The following RPH3AL variants were observed in gnomAD, a reference collection of about 807,000 sequenced individuals.
RPH3AL encodes rab effector Noc2.
RPH3AL carries 38 observed loss-of-function variants against 43.1 expected under a neutral mutation model. The ratio of observed to expected loss-of-function variants is 0.88; its 90% CI spans 0.68 to 1.15. The LOEUF (loss-of-function observed/expected upper bound fraction) is 1.15, where lower values mean the gene tolerates loss of function less well. Among genes scored for constraint, RPH3AL ranks in the 50% most tolerant of loss-of-function variants. RPH3AL has a pLI of 0.00. For synonymous variants in RPH3AL, 189 were observed against 176.3 expected, an observed-to-expected ratio of 1.07 and a Z score of -0.57; for missense variants, 462 against 423.2, an observed-to-expected ratio of 1.09 and a Z score of -0.81.
At chr17:308,288 C>T (rs543177627) in intron 5 of RPH3AL, among the ~76,000 whole-genome samples, 13 of 152,290 alleles carry the variant, frequency 8.5e-5, no homozygotes, top group African/African-American at 2.6e-4. Context: ...GGACTTTCAC[C>T]GCACACCCAT....
At chr17:257,549 CGTCCCT>C (rs2042082366) in intron 6 of RPH3AL, among the ~76,000 whole-genome samples, 1 of 37,570 alleles carries the variant, frequency 2.7e-5, no homozygotes, top group African/African-American at 8.3e-5. Context: ...TGTCCTTTTC[CGTCCCT>C]AGGAATGTGA....
Position 215,760 on chromosome 17 carries a change from G to C in RPH3AL, c.770C>G (p.Pro257Arg). 1 of 1,304,852 alleles carries C rather than the reference G, an allele frequency of 7.7e-7. No homozygotes were observed. The allele number at this position is 1,304,852 out of a possible 1,614,324, so 80.8% of individuals were successfully genotyped here. Residue 257 changes from proline to arginine, a missense_variant, in exon 9 of 10, where the codon CCG becomes CGG. By Grantham distance (103) the Pro-to-Arg change is moderately radical. Coordinates refer to ENST00000331302, the MANE Select transcript of RPH3AL (RefSeq NM_006987.4). This position sits in a 1 kb window ranked among gnomAD's most constrained non-coding sequence, Gnocchi z 4.1. ...GCTCTGGCACCCAGAGAGGTGGCCC[G>C]GCGGGTGGGTGAACCCCATCCTGGG... ...EAPRMGFTHP[P>R]GHLSGCQSSL...
intron 6 of RPH3AL, among the ~76,000 whole-genome samples, chr17:273,396 A>T (rs1170042944): frequency 3.7e-5 from 2 of 53,426 alleles, no homozygotes; most frequent in African/African-American, 5.3e-5. Flanking sequence ...GAGAGACCCC[A>T]GCGAGGGTGA....
At chr17:296,718 G>A (rs1001064283) in intron 5 of RPH3AL, among the ~76,000 whole-genome samples, 6 of 152,194 alleles carry the variant, frequency 3.9e-5, no homozygotes, top group African/African-American at 7.2e-5. Flanking sequence ...CGTCACGCCC[G>A]CTTTTTTCAA....
Position 344,219 on chromosome 17 carries a change from T to A in RPH3AL, c.-213+8493A>T, listed in dbSNP as rs2045193089. On this transcript the variant is annotated intron_variant, in intron 1 of 9. Coordinates refer to ENST00000331302, the MANE Select transcript of RPH3AL (RefSeq NM_006987.4). The stretch of plus-strand genomic sequence containing the variant: ...CTCATCATCATCACCATCATCACTA[T>A]CATCACCATCACTGTTACATCATCA... Among the ~76,000 whole-genome samples, 2 of 129,720 alleles carry A rather than the reference T, an allele frequency of 1.5e-5. 1 individual carries two copies. Among genetic ancestry groups the A allele is most frequent in the African/African-American group, 5.3e-5 (2 of 37,406 alleles). 85.1% of individuals were successfully genotyped at this position (129,720 alleles called of 152,430 possible). A position where few individuals can be genotyped will look rare whatever the true frequency, so the allele number is the denominator to read the frequency against.
At chr17:267,557 T>C (rs1173082406) in intron 6 of RPH3AL, among the ~76,000 whole-genome samples, 1 of 152,216 alleles carries the variant, frequency 6.6e-6, no homozygotes, top group Non-Finnish European at 1.5e-5. Context: ...TGAAACCCTG[T>C]CTGGGCTGAC....
At chr17:300,929 GCCACA>G (rs2043314006) in intron 5 of RPH3AL, among the ~76,000 whole-genome samples, 1 of 151,898 alleles carries the variant, frequency 6.6e-6, no homozygotes, top group Admixed American at 6.5e-5. Flanking sequence ...AGCAGGGGCT[GCCACA>G]GCCTAGGCCT....
rs1178970282 is a variant in RPH3AL, at chr17:231,717, C to T, written c.614-11981G>A. Among the ~76,000 whole-genome samples the T allele has an allele frequency of 2.6e-5, 4 of 152,356 alleles. No individual in the cohort carries two copies. The East Asian group carries it at 5.8e-4, about 22-fold the overall frequency. ...CAAGCCAGAGGCTGGCCCTTGGGGGCTGGGCCCCACTCTCCCAGTTCAGCT... is the reference window on the plus strand; with the variant it reads ...CAAGCCAGAGGCTGGCCCTTGGGGGTTGGGCCCCACTCTCCCAGTTCAGCT... On this transcript the variant is annotated intron_variant, in intron 7 of 9. Transcript: ENST00000331302.
At chr17:255,899 C>T (rs1301649651) in intron 6 of RPH3AL, among the ~76,000 whole-genome samples, 1 of 61,658 alleles carries the variant, frequency 1.6e-5, no homozygotes. Context: ...GACTACCCTA[C>T]GTACTTCCTA....
Position 274,035 on chromosome 17 carries a change from C to T in RPH3AL, c.438+7733G>A, listed in dbSNP as rs2042594491. Among the ~76,000 whole-genome samples the T allele has an allele frequency of 6.6e-6, 1 of 152,172 alleles. No individual in the cohort carries two copies. The highest frequency in any genetic ancestry group is 1.5e-5 in the Non-Finnish European group (1 of 68,028). ...CCTGGGGAATCTAGATTCCAGTGAACTTTTCTACTGATTACAGCATCACTT... is the reference window on the plus strand; with the variant it reads ...CCTGGGGAATCTAGATTCCAGTGAATTTTTCTACTGATTACAGCATCACTT... On this transcript the variant is annotated intron_variant, in intron 6 of 9. Coordinates refer to ENST00000331302, the MANE Select transcript of RPH3AL (RefSeq NM_006987.4). The surrounding 1 kb of genome is among the most constrained non-coding windows in gnomAD (Gnocchi z 4.7).
chr17:225,976 A>G lies in RPH3AL; in HGVS notation c.614-6240T>C, dbSNP rs2041097399. On this transcript the variant is annotated intron_variant, in intron 7 of 9. Transcript: ENST00000331302. The surrounding 1 kb of genome is among the most constrained non-coding windows in gnomAD (Gnocchi z 4.4). ...CACATGGTCACAGAGTTGGGCTGGG[A>G]GCAGGCGAAAACGGCAAGACAACCG... 6.6e-6 allele frequency among the ~76,000 whole-genome samples: 1 copy of G among 152,198 alleles called. No individual in the cohort carries two copies. Among genetic ancestry groups the G allele is most frequent in the African/African-American group, 2.4e-5 (1 of 41,458 alleles).
chr17:215,406 G>A lies in RPH3AL; in HGVS notation c.876+248C>T. On this transcript the variant is annotated intron_variant, in intron 9 of 9. Coordinates refer to ENST00000331302, the MANE Select transcript of RPH3AL (RefSeq NM_006987.4). The surrounding 1 kb of genome is among the most constrained non-coding windows in gnomAD (Gnocchi z 4.1). ...AGCCCGACACGTTTTATGTAGCAGA[G>A]GATGGTAACCACTGCTGTGATTACC... Among the ~76,000 whole-genome samples the A allele has an allele frequency of 6.6e-6, 1 of 152,250 alleles. No individual in the cohort carries two copies. Among genetic ancestry groups the A allele is most frequent in the East Asian group, 1.9e-4 (1 of 5,200 alleles).
chr17:326,618 C>T lies in RPH3AL; in HGVS notation c.77+849G>A, dbSNP rs570857558. On this transcript the variant is annotated intron_variant, in intron 3 of 9. Coordinates refer to ENST00000331302, the MANE Select transcript of RPH3AL (RefSeq NM_006987.4). ...AACCAGGGCCAGGCGCGGTGGCTCA[C>T]GCCTGTAATCCCAGCACTTTGGGAG... Among the ~76,000 whole-genome samples, 366 of 152,300 alleles carry T rather than the reference C, an allele frequency of 2.4e-3. 2 individuals are homozygous for T. Among genetic ancestry groups the T allele is most frequent in the African/African-American group, 7.8e-3 (326 of 41,576 alleles).
chr17:293,979 G>A (rs1440730330), intron 5 of RPH3AL, among the ~76,000 whole-genome samples: 2 of 151,964 alleles, frequency 1.3e-5, no homozygotes, highest in Admixed American at 6.5e-5. Context: ...AGTGAGCTGA[G>A]ATTGCACCAC....
At chr17:242,137 A>C (rs1277688434) in intron 7 of RPH3AL, among the ~76,000 whole-genome samples, 1 of 152,178 alleles carries the variant, frequency 6.6e-6, no homozygotes, top group African/African-American at 2.4e-5. Context: ...AAAAAAATTA[A>C]CAAAAAAACT....
At chr17:231,067 C>G (rs960095605) in intron 7 of RPH3AL, among the ~76,000 whole-genome samples, 2 of 152,222 alleles carry the variant, frequency 1.3e-5, no homozygotes, top group Non-Finnish European at 2.9e-5. Flanking sequence ...TTTGTGTGTT[C>G]AGAGCCTTCT....
chr17:242,233 T>C (rs1221476088), intron 7 of RPH3AL, among the ~76,000 whole-genome samples: 1 of 152,134 alleles, frequency 6.6e-6, no homozygotes, highest in Non-Finnish European at 1.5e-5. Context: ...TCATGACTTG[T>C]AGTATCTATT....
At chr17:252,361 T>A (rs183602792) in intron 6 of RPH3AL, among the ~76,000 whole-genome samples, 21 of 152,220 alleles carry the variant, frequency 1.4e-4, no homozygotes, top group Admixed American at 1.0e-3. Flanking sequence ...AGGCCACCTA[T>A]AACATCACTG....
chr17:276,106 C>G (rs910220679), intron 6 of RPH3AL, among the ~76,000 whole-genome samples: 1 of 152,232 alleles, frequency 6.6e-6, no homozygotes, highest in East Asian at 1.9e-4. Context: ...GGGGACGAGA[C>G]AGTTGGGAGC....
Sources: allele counts gnomAD v4.1 joint callset (sites outside exome capture counted in the v4.1 genomes callset), GRCh38; gene constraint gnomAD v4.1.1; non-coding constraint Gnocchi (gnomAD v3.1); transcripts MANE v1.5; gene names NCBI Gene and HGNC (gene_info 2026-07-23, HGNC 2026-07-21).